CSNK1G2: variants seen among roughly 807,000 people sequenced by gnomAD.
The protein encoded by CSNK1G2 is casein kinase I isoform gamma-2.
CSNK1G2 carries 11 observed loss-of-function variants against 48.0 expected under a neutral mutation model. That is an observed-to-expected ratio of 0.23 (90% CI 0.14 to 0.38). The LOEUF (loss-of-function observed/expected upper bound fraction) is 0.38. Ranked by LOEUF, CSNK1G2 falls within the 10% of genes least tolerant of loss-of-function variation. CSNK1G2 has a pLI of 1.00. For synonymous variants in CSNK1G2, 337 were observed against 254.1 expected, an observed-to-expected ratio of 1.33 and a Z score of -3.10; for missense variants, 446 against 595.5, an observed-to-expected ratio of 0.75 and a Z score of 2.61.
intron 2 of CSNK1G2, among the ~76,000 whole-genome samples, chr19:1,972,750 G>A (rs2015615280): frequency 2.0e-5 from 3 of 151,908 alleles, no homozygotes; most frequent in Non-Finnish European, 1.5e-5. Context: ...AGCCTCCCGA[G>A]TAGCTGGGAT....
At chr19:1,967,877 C>T (rs1205131662) in intron 1 of CSNK1G2, among the ~76,000 whole-genome samples, 2 of 37,750 alleles carry the variant, frequency 5.3e-5, no homozygotes, top group Admixed American at 4.3e-4. Flanking sequence ...CCCCAGGCTG[C>T]CCCCGACCAC....
chr19:1,973,629 G>GGCTGCT (rs572856566), intron 2 of CSNK1G2, among the ~76,000 whole-genome samples: 3 of 152,264 alleles, frequency 2.0e-5, no homozygotes, highest in East Asian at 3.9e-4. Flanking sequence ...CAGGCTGTGC[G>GGCTGCT]GCTGCTGCTG....
chr19:1,979,354 G>A lies in CSNK1G2; in HGVS notation c.804G>A (p.Gly268=), dbSNP rs770798173. 5.0e-6 allele frequency: 8 copies of A among 1,606,288 alleles called. No individual in the cohort carries two copies. Among genetic ancestry groups the A allele is most frequent in the Non-Finnish European group, 5.9e-6 (7 of 1,177,458 alleles). Residue 268 remains glycine (G), a synonymous_variant, in exon 8 of 12, where the codon GGG becomes GGA. Transcript: ENST00000255641. ...DTLKERYQKI[G]DTKRATPIEV... ...TCAAGGAGCGGTACCAGAAGATCGG[G>A]GACACCAAACGCGCCACGCCCATCG...
rs955699683 is a variant in CSNK1G2, at chr19:1,979,304, C to G, written c.769-15C>G. ...GACGCAGGGCGGGAGCAAGGCTGAC[C>G]ACAGACCCCCGCAGGCCGACACGCT... On this transcript the variant is annotated splice_polypyrimidine_tract_variant and intron_variant, in intron 7 of 11. Coordinates refer to ENST00000255641, the MANE Select transcript of CSNK1G2 (RefSeq NM_001319.7). 8 of 1,592,508 alleles carry G rather than the reference C, an allele frequency of 5.0e-6. No homozygotes were observed. The African/African-American group carries it at 6.7e-5, about 13-fold the overall frequency.
At chr19:1,961,837 G>C (rs1221399516) in intron 1 of CSNK1G2, among the ~76,000 whole-genome samples, 1 of 152,200 alleles carries the variant, frequency 6.6e-6, no homozygotes, top group Non-Finnish European at 1.5e-5. Context: ...GGTAGCTCAA[G>C]AAATCCGCTG....
At position 1,978,708 on chromosome 19, in the gene CSNK1G2, G is replaced by A. The variant is rs769637159; in HGVS notation, c.405G>A (p.Arg135=). 15 of 1,594,556 alleles carry A rather than the reference G, an allele frequency of 9.4e-6. No individual in the cohort carries two copies. Among genetic ancestry groups the A allele is most frequent in the Non-Finnish European group, 1.3e-5 (15 of 1,170,830 alleles). The change falls in exon 5 of 12, where the codon CGG becomes CGA. Residue 135 remains arginine (R), a synonymous_variant. Transcript: ENST00000255641. The surrounding 1 kb of genome is among the most constrained non-coding windows in gnomAD (Gnocchi z 7.3). The part of the protein sequence containing the change: ...SLEDLFDLCD[R]TFTLKTVLMI... The stretch of plus-strand genomic sequence containing the variant: ...AGGACCTGTTCGACCTGTGCGACCG[G>A]ACCTTCACGCTCAAGACGGTGCTGA...
intron 1 of CSNK1G2, among the ~76,000 whole-genome samples, chr19:1,966,087 C>G (rs546174413): frequency 6.6e-6 from 1 of 152,364 alleles, no homozygotes; most frequent in African/African-American, 2.4e-5. Context: ...GCAGGAGCCA[C>G]CGCAGCCGCC....
Position 1,953,200 on chromosome 19 carries a change from C to T in CSNK1G2, c.-266+11782C>T, listed in dbSNP as rs78904361. On this transcript the variant is annotated intron_variant, in intron 1 of 11. Coordinates refer to ENST00000255641, the MANE Select transcript of CSNK1G2 (RefSeq NM_001319.7). ...TTCTTTCCTGGTGGGGTGCCTGACT[C>T]TGCCTGCACGTTCCCCCCGCTGTCT... Among the ~76,000 whole-genome samples the T allele has an allele frequency of 0.026, 3,952 of 152,278 alleles. 95 individuals carry two copies. Among genetic ancestry groups the T allele is most frequent in the African/African-American group, 0.063 (2,601 of 41,548 alleles).
At chr19:1,974,035 CCGT>C (rs2015667524) in intron 2 of CSNK1G2, among the ~76,000 whole-genome samples, 1 of 151,942 alleles carries the variant, frequency 6.6e-6, no homozygotes. Flanking sequence ...TTACAGGCGC[CCGT>C]CACCACACCC....
intron 1 of CSNK1G2, among the ~76,000 whole-genome samples, chr19:1,962,461 G>A (rs1426070998): frequency 6.6e-6 from 1 of 151,130 alleles, no homozygotes. Context: ...GAGCCCAGGA[G>A]TTTGAGACCA....
rs759960518 is a variant in CSNK1G2 at position 1,978,759 on chromosome 19, C to CGGGCG, written c.447+24_447+28dup. 382 of 351,958 alleles carry CGGGCG rather than the reference C, an allele frequency of 1.1e-3. 2 individuals are homozygous for CGGGCG. Among genetic ancestry groups the CGGGCG allele is most frequent in the South Asian group, 4.4e-3 (195 of 44,284 alleles). The allele number at this position is 351,958 out of a possible 1,614,324, so 21.8% of individuals were successfully genotyped here. On this transcript the variant is annotated intron_variant, in intron 5 of 11. Coordinates refer to ENST00000255641, the MANE Select transcript of CSNK1G2 (RefSeq NM_001319.7). This position sits in a 1 kb window ranked among gnomAD's most constrained non-coding sequence, Gnocchi z 7.3. The stretch of plus-strand genomic sequence containing the variant: ...TGATCGCCATCCAGCTGGTGCGCGG[C>CGGGCG]GGGCGGGGCGGGGCGGGGCTCGGAG...
At chr19:1,953,973 C>T (rs1421486598) in intron 1 of CSNK1G2, 3 of 533,814 alleles carry the variant, frequency 5.6e-6, no homozygotes, top group Non-Finnish European at 7.7e-6. Flanking sequence ...GGGGCCTTCT[C>T]GTGGTGATGA....
chr19:1,942,418 C>T (rs139967511), intron 1 of CSNK1G2: 139 of 152,524 alleles, frequency 9.1e-4, no homozygotes, highest in Non-Finnish European at 1.6e-3. Flanking sequence ...AGGAAGCGGG[C>T]CGGAGGGTTG....
At chr19:1,950,399 A>G (rs1257965194) in intron 1 of CSNK1G2, among the ~76,000 whole-genome samples, 2 of 147,046 alleles carry the variant, frequency 1.4e-5, no homozygotes, top group Non-Finnish European at 3.0e-5. Context: ...TCGGCCTCCC[A>G]AAGTGCTGGG....
intron 2 of CSNK1G2, among the ~76,000 whole-genome samples, chr19:1,973,163 G>A (rs866146695): frequency 1.9e-4 from 29 of 151,150 alleles, no homozygotes; most frequent in African/African-American, 5.3e-4. Flanking sequence ...TCCTGACCTC[G>A]TGATCTGCCC....
chr19:1,958,687 C>T (rs1472011613), intron 1 of CSNK1G2, among the ~76,000 whole-genome samples: 1 of 59,590 alleles, frequency 1.7e-5, no homozygotes, highest in African/African-American at 7.5e-5. Flanking sequence ...AGGGCTGCAG[C>T]AGCTCAGCTC....
rs1421412172 is a variant in CSNK1G2, at chr19:1,958,384, G to C, written c.-265-11124G>C. 2.0e-5 allele frequency among the ~76,000 whole-genome samples: 3 copies of C among 151,980 alleles called. No homozygotes were observed. In the South Asian group the frequency reaches 6.2e-4, roughly 31 times the overall value. On this transcript the variant is annotated intron_variant, in intron 1 of 11. Transcript: ENST00000255641. ...CCGTGGGGTTGGTGCACCAGGGCAGGAGAGCTGCCCGGCTCCTGCTAGGTG... is the reference window on the plus strand; with the variant it reads ...CCGTGGGGTTGGTGCACCAGGGCAGCAGAGCTGCCCGGCTCCTGCTAGGTG...
intron 1 of CSNK1G2, among the ~76,000 whole-genome samples, chr19:1,944,000 GCTGA>G (rs2014463303): frequency 2.0e-5 from 3 of 152,118 alleles, no homozygotes; most frequent in Admixed American, 2.0e-4. Context: ...TGTGGGGCTG[GCTGA>G]CTTTCTCTGA....
chr19:1,943,403 G>A (rs927348311), intron 1 of CSNK1G2, among the ~76,000 whole-genome samples: 2 of 152,220 alleles, frequency 1.3e-5, no homozygotes, highest in Non-Finnish European at 2.9e-5. Context: ...GCAGCACTTT[G>A]TGCAGACAGA....
Sources: allele counts gnomAD v4.1 joint callset (sites outside exome capture counted in the v4.1 genomes callset), GRCh38; gene constraint gnomAD v4.1.1; non-coding constraint Gnocchi (gnomAD v3.1); transcripts MANE v1.5; gene names NCBI Gene and HGNC (gene_info 2026-07-23, HGNC 2026-07-21).